FRY: variants seen among roughly 807,000 people sequenced by gnomAD.
The protein encoded by FRY is protein furry homolog.
FRY carries 128 observed loss-of-function variants against 348.4 expected under a neutral mutation model. The ratio of observed to expected loss-of-function variants is 0.37; its 90% CI spans 0.32 to 0.43. The LOEUF (loss-of-function observed/expected upper bound fraction) is 0.43. Among genes scored for constraint, FRY ranks in the 20% least tolerant of loss-of-function variants. FRY has a pLI of 1.00. For synonymous variants in FRY, 1,370 were observed against 1,374.7 expected (o/e 1.00, Z 0.08); for missense variants, 2,736 against 3,695.2 (o/e 0.74, Z 6.73).
intron 58 of FRY, among the ~76,000 whole-genome samples, chr13:32,280,816 C>A (rs527439838): frequency 4.6e-5 from 7 of 152,314 alleles, no homozygotes; most frequent in African/African-American, 1.7e-4. Flanking sequence ...TCCGGGTTAA[C>A]CCTAAGGATA....
In FRY at chr13:32,261,684, T is replaced by C; in HGVS notation, c.7485T>C (p.Asp2495=). ...CTCTGGACAGCCTGGATAAGTGTGA[T>C]ATGCAGATTCTGGAGGAGCGCCAAC... ...RRSLDSLDKC[D]MQILEERQLS... is the part of the protein sequence containing the mutation. The change falls in exon 52 of 61, where the codon GAT becomes GAC. Residue 2495 remains aspartate, a synonymous_variant. Coordinates refer to ENST00000542859, the MANE Select transcript of FRY (RefSeq NM_023037.3). 2 of 1,614,146 alleles carry C rather than the reference T, an allele frequency of 1.2e-6. No individual in the cohort carries two copies. The highest frequency in any genetic ancestry group is 8.5e-7 in the Non-Finnish European group (1 of 1,180,000).
At chr13:32,119,315 T>C (rs1051530486) in intron 4 of FRY, among the ~76,000 whole-genome samples, 1 of 152,148 alleles carries the variant, frequency 6.6e-6, no homozygotes, top group Admixed American at 6.5e-5. Context: ...GGGATGCACA[T>C]TGGGTTGTGA....
intron 17 of FRY, among the ~76,000 whole-genome samples, chr13:32,162,897 T>A (rs2138185527): frequency 1.3e-5 from 2 of 152,126 alleles, no homozygotes. Flanking sequence ...TGGGAAAAAA[T>A]AATCCTGGAT....
chr13:32,218,527 A>C (rs1193522448), intron 35 of FRY, among the ~76,000 whole-genome samples: 1 of 152,020 alleles, frequency 6.6e-6, no homozygotes, highest in Non-Finnish European at 1.5e-5. Context: ...AAAAATACAA[A>C]AATTAGCTGG....
rs779611951 is a variant in FRY, at chr13:32,233,958, A to G, written c.5528-616A>G. On this transcript the variant is annotated intron_variant, in intron 41 of 60. Coordinates refer to ENST00000542859, the MANE Select transcript of FRY (RefSeq NM_023037.3). ...TTCCAAAGCCTTTTTCTACTACACT[A>G]TACCTCCCTAAGATTTATTCAGAAT... Among the ~76,000 whole-genome samples the G allele has an allele frequency of 8.5e-5, 13 of 152,196 alleles. No individual in the cohort carries two copies. In the South Asian group the frequency reaches 1.0e-3, roughly 12 times the overall value.
At chr13:32,159,190 G>A (rs11841900) in intron 16 of FRY, among the ~76,000 whole-genome samples, 6,270 of 151,446 alleles carry the variant, frequency 0.041, 143 homozygotes, top group South Asian at 0.055. Flanking sequence ...AATATTTTTC[G>A]TGCTAGAATT....
In FRY at chr13:32,231,275, A is replaced by C; in HGVS notation, c.5502A>C (p.Val1834=). 1 of 1,613,648 alleles carries C rather than the reference A, an allele frequency of 6.2e-7. No homozygotes were observed. Residue 1834 remains valine (V), a synonymous_variant, in exon 41 of 61, where the codon GTA becomes GTC. Coordinates refer to ENST00000542859, the MANE Select transcript of FRY (RefSeq NM_023037.3). ...TCACTAATTTTCTACGTCACGTTGT[A>C]TCTGTATTTAAAGATTCCAAATCAG... is the stretch of plus-strand genomic sequence containing the variant. The part of the protein sequence containing the change: ...EQLTNFLRHV[V]SVFKDSKSGF...
At chr13:32,226,181 A>T (rs957120861) in intron 39 of FRY, among the ~76,000 whole-genome samples, 1 of 152,168 alleles carries the variant, frequency 6.6e-6, no homozygotes, top group African/African-American at 2.4e-5. Context: ...AATATTTGAA[A>T]TATATTTTTC....
intron 1 of FRY, among the ~76,000 whole-genome samples, chr13:32,075,176 C>G (rs17691010): frequency 0.026 from 4,009 of 152,108 alleles, 62 homozygotes; most frequent in Middle Eastern, 0.068. Flanking sequence ...CAAATTTTTC[C>G]CTTTTATACA....
intron 58 of FRY, among the ~76,000 whole-genome samples, chr13:32,286,209 AC>A (rs951009956): frequency 6.6e-6 from 1 of 152,220 alleles, no homozygotes; most frequent in Non-Finnish European, 1.5e-5. Context: ...ATTTTCAAGT[AC>A]AATACACTAA....
At position 32,111,655 on chromosome 13, in the gene FRY, T is replaced by C. The variant is rs1438398570; in HGVS notation, c.325-5679T>C. On this transcript the variant is annotated intron_variant, in intron 3 of 60. Coordinates refer to ENST00000542859, the MANE Select transcript of FRY (RefSeq NM_023037.3). ...AGCAGGATCATATGAGGGCTACATG[T>C]GTTTTACAGAACGCTCTTATACCAA... Among the ~76,000 whole-genome samples, 3 of 152,272 alleles carry C rather than the reference T, an allele frequency of 2.0e-5. No individual in the cohort carries two copies. The South Asian group carries it at 6.2e-4, about 32-fold the overall frequency.
intron 1 of FRY, among the ~76,000 whole-genome samples, chr13:32,065,135 A>C (rs2138461065): frequency 6.6e-6 from 1 of 152,324 alleles, no homozygotes; most frequent in African/African-American, 2.4e-5. Flanking sequence ...AAATATAGGA[A>C]ACTTTTTATA....
chr13:32,250,800 A>G (rs1887038602), intron 49 of FRY, among the ~76,000 whole-genome samples: 1 of 152,248 alleles, frequency 6.6e-6, no homozygotes, highest in Admixed American at 6.5e-5. Context: ...GCAACAGAGC[A>G]GGTTCTCAGT....
chr13:32,061,231 ACT>A, intron 1 of FRY: 1 of 512,628 alleles, frequency 2.0e-6, no homozygotes, highest in Non-Finnish European at 4.0e-6. Flanking sequence ...GTATGGGAGG[ACT>A]CTTCTAAAGG....
chr13:32,168,230 GC>G (rs1397361643), intron 17 of FRY, among the ~76,000 whole-genome samples: 1 of 152,154 alleles, frequency 6.6e-6, no homozygotes, highest in Non-Finnish European at 1.5e-5. Flanking sequence ...AACACAGTCT[GC>G]TGTAGAACCA....
Position 32,150,133 on chromosome 13 carries a change from A to G in FRY, c.1479+299A>G, listed in dbSNP as rs1397927855. Among the ~76,000 whole-genome samples, 4 of 152,248 alleles carry G rather than the reference A, an allele frequency of 2.6e-5. No individual in the cohort carries two copies. In the East Asian group the frequency reaches 7.7e-4, roughly 29 times the overall value. ...TAAAAGTTAGGTTGTTTTATTTTAG[A>G]AAAGTCAGTGCTTTTACTTGTAACT... On this transcript the variant is annotated intron_variant, in intron 14 of 60. Transcript: ENST00000542859.
intron 2 of FRY, among the ~76,000 whole-genome samples, chr13:32,082,152 A>T (rs1285087659): frequency 1.3e-5 from 2 of 151,324 alleles, no homozygotes; most frequent in Non-Finnish European, 1.5e-5. Flanking sequence ...TGTGGAGCAG[A>T]TTATGTACAA....
At chr13:32,196,510 G>A (rs1345944952) in intron 29 of FRY, among the ~76,000 whole-genome samples, 2 of 152,094 alleles carry the variant, frequency 1.3e-5, no homozygotes. Context: ...TGGCAATGGG[G>A]AAAATGGTTC....
intron 1 of FRY, among the ~76,000 whole-genome samples, chr13:32,059,577 G>C (rs1873824881): frequency 6.6e-6 from 1 of 150,982 alleles, no homozygotes; most frequent in Non-Finnish European, 1.5e-5. Context: ...GGGTGCACGT[G>C]CCGTTGTGTT....
Sources: allele counts gnomAD v4.1 joint callset (sites outside exome capture counted in the v4.1 genomes callset), GRCh38; gene constraint gnomAD v4.1.1; transcripts MANE v1.5; gene names NCBI Gene and HGNC (gene_info 2026-07-23, HGNC 2026-07-21).